The following EFNA5 variants were observed in gnomAD, a reference collection of about 807,000 sequenced individuals.
EFNA5 encodes ephrin-A5.
A neutral mutation model predicts 22.9 loss-of-function variants in EFNA5; 5 were observed. The observed-to-expected ratio is 0.22, with a 90% CI of 0.11 to 0.46. EFNA5 has a LOEUF of 0.46. EFNA5 is among the 20% of genes least tolerant of loss of function. The pLI is 0.99. For synonymous variants in EFNA5, 113 were observed against 112.2 expected (o/e 1.01, Z -0.04); for missense variants, 237 against 293.3 (o/e 0.81, Z 1.40).
intron 1 of EFNA5, among the ~76,000 whole-genome samples, chr5:107,624,276 T>A (rs1177872484): frequency 6.6e-6 from 1 of 152,160 alleles, no homozygotes; most frequent in Admixed American, 6.5e-5. Context: ...ATAAGAAACA[T>A]CCTTCACACA....
intron 1 of EFNA5, among the ~76,000 whole-genome samples, chr5:107,455,322 C>A (rs1332474797): frequency 6.6e-6 from 1 of 152,186 alleles, no homozygotes; most frequent in African/African-American, 2.4e-5. Flanking sequence ...TGAGCATTCT[C>A]TACTCCCCCT....
intron 1 of EFNA5, among the ~76,000 whole-genome samples, chr5:107,546,612 C>G (rs1287728351): frequency 6.6e-6 from 1 of 151,766 alleles, no homozygotes; most frequent in East Asian, 1.9e-4. Context: ...AACACCTCGT[C>G]AATGGCTTGT....
rs191712267 is a variant in EFNA5, at chr5:107,572,094, C to T, written c.125+98395G>A. 1.5e-3 allele frequency among the ~76,000 whole-genome samples: 221 copies of T among 152,250 alleles called. 1 individual carries two copies. The highest frequency in any genetic ancestry group is 7.5e-4 in the Non-Finnish European group (51 of 68,018). ...AAATAAAATGCTTCTGGAGTCTAAT[C>T]TTGAGCCAAATTGACTAAAAAGGAC... is the stretch of plus-strand genomic sequence containing the variant. On this transcript the variant is annotated intron_variant, in intron 1 of 4. Transcript: ENST00000333274.
At chr5:107,567,652 C>A (rs963332687) in intron 1 of EFNA5, among the ~76,000 whole-genome samples, 17 of 152,198 alleles carry the variant, frequency 1.1e-4, no homozygotes, top group African/African-American at 3.9e-4. Flanking sequence ...ATACACAGGG[C>A]TCTAGCAGCA....
chr5:107,449,477 CAAGAG>C (rs1163217515), intron 1 of EFNA5, among the ~76,000 whole-genome samples: 2 of 152,102 alleles, frequency 1.3e-5, no homozygotes, highest in African/African-American at 2.4e-5. Context: ...TGAAAAGCTA[CAAGAG>C]AAGATGTAGC....
chr5:107,467,480 A>T (rs886525071), intron 1 of EFNA5, among the ~76,000 whole-genome samples: 3 of 152,204 alleles, frequency 2.0e-5, no homozygotes, highest in Non-Finnish European at 4.4e-5. Context: ...TAGCAAAGGG[A>T]CATTTGGAAA....
chr5:107,666,343 CTCT>C (rs1308689922), intron 1 of EFNA5, among the ~76,000 whole-genome samples: 3 of 152,126 alleles, frequency 2.0e-5, no homozygotes, highest in Non-Finnish European at 2.9e-5. Context: ...TACTACTTCT[CTCT>C]TCTTAGCCAC....
At chr5:107,531,071 CG>C (rs2112451781) in intron 1 of EFNA5, among the ~76,000 whole-genome samples, 1 of 152,202 alleles carries the variant, frequency 6.6e-6, no homozygotes, top group East Asian at 1.9e-4. Context: ...TGCCCTTTAA[CG>C]AAGATGTTTT....
chr5:107,563,308 T>A (rs1748588518), intron 1 of EFNA5, among the ~76,000 whole-genome samples: 1 of 152,162 alleles, frequency 6.6e-6, no homozygotes, highest in Admixed American at 6.5e-5. Flanking sequence ...TGCCCCATCA[T>A]TAAAACCTGG....
intron 1 of EFNA5, among the ~76,000 whole-genome samples, chr5:107,483,956 A>G (rs745474304): frequency 6.6e-6 from 1 of 152,206 alleles, no homozygotes; most frequent in Non-Finnish European, 1.5e-5. Context: ...AACCTACCTC[A>G]GACTTTTATT....
chr5:107,393,704 T>C (rs1010063509), intron 2 of EFNA5, among the ~76,000 whole-genome samples: 29 of 152,192 alleles, frequency 1.9e-4, no homozygotes, highest in Admixed American at 1.9e-3. Flanking sequence ...TTTTTCCCTG[T>C]AGGTTTTTCA....
intron 4 of EFNA5, among the ~76,000 whole-genome samples, chr5:107,386,549 G>A (rs761155887): frequency 7.2e-5 from 11 of 152,132 alleles, no homozygotes; most frequent in African/African-American, 1.4e-4. Context: ...GAAGTCAATC[G>A]TAGAAAAGTT....
chr5:107,488,299 T>G (rs1051723348), intron 1 of EFNA5, among the ~76,000 whole-genome samples: 3 of 152,260 alleles, frequency 2.0e-5, no homozygotes, highest in African/African-American at 7.2e-5. Context: ...GTTTTATTTT[T>G]GTAAATTTCT....
At chr5:107,592,108 T>A (rs1483876079) in intron 1 of EFNA5, among the ~76,000 whole-genome samples, 9 of 126,328 alleles carry the variant, frequency 7.1e-5, no homozygotes, top group African/African-American at 2.8e-4. Context: ...ATATATTTTA[T>A]ATATATTATA....
chr5:107,612,311 T>C (rs551907776), intron 1 of EFNA5, among the ~76,000 whole-genome samples: 24 of 152,270 alleles, frequency 1.6e-4, no homozygotes, highest in African/African-American at 5.5e-4. Context: ...AATAAAATTA[T>C]ATAGAATCCA....
At chr5:107,527,477 G>T (rs910428559) in intron 1 of EFNA5, among the ~76,000 whole-genome samples, 2 of 151,762 alleles carry the variant, frequency 1.3e-5, no homozygotes, top group Non-Finnish European at 2.9e-5. Flanking sequence ...AGTAGAGATG[G>T]GGTTTCACCA....
intron 1 of EFNA5, among the ~76,000 whole-genome samples, chr5:107,491,184 C>A (rs41493053): frequency 1.3e-5 from 2 of 152,194 alleles, no homozygotes; most frequent in Non-Finnish European, 2.9e-5. Context: ...TCTGGCCAAA[C>A]GGCCTCCAAC....
chr5:107,421,955 C>G lies in EFNA5; in HGVS notation c.418+5262G>C, dbSNP rs192916679. On this transcript the variant is annotated intron_variant, in intron 2 of 4. Transcript: ENST00000333274. ...TACAGGCATGAGCTACCACGCCCGTCTAATTTTGCATTTTTAGTAGAGATG... is the reference window on the plus strand; with the variant it reads ...TACAGGCATGAGCTACCACGCCCGTGTAATTTTGCATTTTTAGTAGAGATG... Among the ~76,000 whole-genome samples, 4 of 152,206 alleles carry G rather than the reference C, an allele frequency of 2.6e-5. No individual in the cohort carries two copies. In the East Asian group the frequency reaches 7.7e-4, roughly 29 times the overall value.
At chr5:107,578,558 T>A (rs1453011673) in intron 1 of EFNA5, among the ~76,000 whole-genome samples, 1 of 151,956 alleles carries the variant, frequency 6.6e-6, no homozygotes, top group Non-Finnish European at 1.5e-5. Flanking sequence ...GTTCTAAAAA[T>A]TGTAATATAT....
Sources: gnomAD v4.1 joint callset for allele counts (sites outside exome capture counted in the v4.1 genomes callset) on GRCh38, gnomAD v4.1.1 for gene constraint, MANE v1.5 for transcripts, NCBI Gene and HGNC (gene_info 2026-07-23, HGNC 2026-07-21) for gene names.